MRPL48: variants seen among roughly 807,000 people sequenced by gnomAD.
MRPL48 encodes the protein large ribosomal subunit protein mL48.
A neutral mutation model predicts 32.9 loss-of-function variants in MRPL48; 16 were observed. The ratio of observed to expected loss-of-function variants is 0.49; its 90% CI spans 0.33 to 0.74. The LOEUF is 0.74. Ranked by LOEUF, MRPL48 falls within the 30% of genes least tolerant of loss-of-function variation. The probability of loss-of-function intolerance (pLI) is 0.02; values close to 1 mark genes in which losing one functional copy is unlikely to be tolerated. For synonymous variants in MRPL48, 94 were observed against 89.2 expected (o/e 1.05, Z -0.31); for missense variants, 206 against 245.3 (o/e 0.84, Z 1.07).
intron 4 of MRPL48, 43 bp from the exon 5 acceptor site, chr11:73,844,764 T>C: frequency 6.4e-7 from 1 of 1,550,992 alleles, no homozygotes; most frequent in Non-Finnish European, 8.7e-7. Context: ...TAGAATTTCT[T>C]GTATAATACT....
Position 73,795,473 on chromosome 11 carries a change from T to G in MRPL48, c.21+7481T>G, listed in dbSNP as rs1947237982. On this transcript the variant is annotated intron_variant, in intron 1 of 7. Coordinates refer to ENST00000310614, the MANE Select transcript of MRPL48 (RefSeq NM_016055.6). ...TCATAAAAGTTTTCTTGTGACTCTT[T>G]TTTAATAATTAAAAAATATAATTCA... 2.0e-5 allele frequency among the ~76,000 whole-genome samples: 3 copies of G among 152,152 alleles called. No homozygotes were observed. In the South Asian group the frequency reaches 6.2e-4, roughly 32 times the overall value.
chr11:73,811,814 A>G (rs1947572041), intron 3 of MRPL48, among the ~76,000 whole-genome samples: 1 of 152,182 alleles, frequency 6.6e-6, no homozygotes, highest in South Asian at 2.1e-4. Flanking sequence ...AAAAATTGAA[A>G]TGGATGCATA....
intron 1 of MRPL48, among the ~76,000 whole-genome samples, chr11:73,798,779 CAG>C (rs1445056223): frequency 6.6e-6 from 1 of 151,960 alleles, no homozygotes; most frequent in African/African-American, 2.4e-5. Context: ...ATCACGAGGT[CAG>C]GAGTTGGAGA....
chr11:73,811,018 C>T (rs1367608559), intron 3 of MRPL48, among the ~76,000 whole-genome samples: 1 of 152,038 alleles, frequency 6.6e-6, no homozygotes, highest in Non-Finnish European at 1.5e-5. Context: ...AGGGATCATA[C>T]CCTGAGGAAT....
intron 5 of MRPL48, among the ~76,000 whole-genome samples, chr11:73,846,586 C>T (rs943066044): frequency 3.9e-5 from 6 of 152,052 alleles, no homozygotes; most frequent in African/African-American, 1.4e-4. Context: ...TCTCGAACTC[C>T]TGACCTCAAG....
chr11:73,829,497 T>G (rs1947955736), intron 4 of MRPL48, among the ~76,000 whole-genome samples: 1 of 151,908 alleles, frequency 6.6e-6, no homozygotes, highest in Non-Finnish European at 1.5e-5. Context: ...TCTCAGTAGC[T>G]GGGACTACTT....
intron 3 of MRPL48, among the ~76,000 whole-genome samples, chr11:73,811,675 T>C (rs932334732): frequency 1.3e-5 from 2 of 152,188 alleles, no homozygotes; most frequent in Admixed American, 6.5e-5. Context: ...TAGGCAAAGT[T>C]TATTTTGAAT....
chr11:73,838,063 AG>A (rs1488165901), intron 4 of MRPL48, among the ~76,000 whole-genome samples: 1 of 152,122 alleles, frequency 6.6e-6, no homozygotes, highest in East Asian at 1.9e-4. Flanking sequence ...CATGTTGGTC[AG>A]GCTGGTCTTG....
chr11:73,844,073 C>T (rs1948241282), intron 4 of MRPL48, among the ~76,000 whole-genome samples: 1 of 148,616 alleles, frequency 6.7e-6, no homozygotes, highest in African/African-American at 2.5e-5. Flanking sequence ...GAGTGAAACT[C>T]CATCTCAAAA....
chr11:73,798,223 G>A (rs1047323491), intron 1 of MRPL48, among the ~76,000 whole-genome samples: 13 of 151,892 alleles, frequency 8.6e-5, no homozygotes, highest in African/African-American at 2.7e-4. Flanking sequence ...GATTACAGGC[G>A]CCCACCACTG....
At chr11:73,841,619 G>T (rs1948187905) in intron 4 of MRPL48, among the ~76,000 whole-genome samples, 1 of 152,164 alleles carries the variant, frequency 6.6e-6, no homozygotes, top group Admixed American at 6.5e-5. Flanking sequence ...CAGGATAGTG[G>T]TTACTAATTT....
chr11:73,825,292 G>A (rs968152894), intron 3 of MRPL48, among the ~76,000 whole-genome samples: 101 of 145,378 alleles, frequency 6.9e-4, no homozygotes, highest in Middle Eastern at 3.5e-3. Flanking sequence ...ATATGTGTGT[G>A]TGTGTGTGTG....
chr11:73,797,438 G>C (rs577800129), intron 1 of MRPL48, among the ~76,000 whole-genome samples: 158 of 152,296 alleles, frequency 1.0e-3, no homozygotes, highest in Non-Finnish European at 2.0e-3. Flanking sequence ...AGCCCTTCAG[G>C]GAGCCCAGAC....
At chr11:73,821,270 C>T (rs1044953405) in intron 3 of MRPL48, among the ~76,000 whole-genome samples, 8 of 152,138 alleles carry the variant, frequency 5.3e-5, no homozygotes, top group Non-Finnish European at 1.0e-4. Context: ...GCAGAGATTA[C>T]AGGCATGAAC....
chr11:73,862,179 T>C (rs904213651), intron 6 of MRPL48, among the ~76,000 whole-genome samples: 1 of 152,098 alleles, frequency 6.6e-6, no homozygotes, highest in Non-Finnish European at 1.5e-5. Context: ...TCCCAACATT[T>C]TGGGAGGCCG....
intron 6 of MRPL48, among the ~76,000 whole-genome samples, chr11:73,862,062 C>T (rs556756202): frequency 5.9e-5 from 9 of 152,214 alleles, no homozygotes; most frequent in East Asian, 1.9e-4. Flanking sequence ...ACAAGGCGGG[C>T]GGATCACTTA....
chr11:73,853,567 T>C (rs191766620), intron 5 of MRPL48, among the ~76,000 whole-genome samples: 12 of 152,188 alleles, frequency 7.9e-5, no homozygotes, highest in Admixed American at 7.9e-4. Context: ...AACAAGATGG[T>C]ACATGACAGC....
At chr11:73,858,554 C>T (rs781642347) in intron 5 of MRPL48, among the ~76,000 whole-genome samples, 2 of 152,282 alleles carry the variant, frequency 1.3e-5, no homozygotes, top group South Asian at 4.1e-4. Context: ...AGATTACAGG[C>T]GTGAGCCACC....
intron 3 of MRPL48, chr11:73,817,715 T>A (rs1947701987): frequency 4.2e-6 from 1 of 239,456 alleles, no homozygotes; most frequent in African/African-American, 2.3e-5. Context: ...CTCACTAATG[T>A]TGGCTCACCA....
Sources: allele counts gnomAD v4.1 joint callset (sites outside exome capture counted in the v4.1 genomes callset), GRCh38; gene constraint gnomAD v4.1.1; transcripts MANE v1.5; gene names NCBI Gene and HGNC (gene_info 2026-07-23, HGNC 2026-07-21).